Variants in NKPD1 observed in about 807,000 individuals in gnomAD.
The protein encoded by NKPD1 is NTPase KAP family P-loop domain containing 1.
A neutral mutation model predicts 42.2 loss-of-function variants in NKPD1; 37 were observed. The observed-to-expected ratio is 0.88, with a 90% CI of 0.67 to 1.15. NKPD1 has a LOEUF of 1.15. NKPD1 is among the 50% of genes most tolerant of loss of function. The pLI is 0.00. For synonymous variants in NKPD1, 552 were observed against 536.5 expected (o/e 1.03, Z -0.40); for missense variants, 1,113 against 1,174.6 (o/e 0.95, Z 0.77).
intron 2 of NKPD1, 140 bp downstream of exon 2, chr19:45,159,920 C>T (rs1245461507): frequency 5.3e-6 from 2 of 380,330 alleles, no homozygotes; most frequent in East Asian, 9.4e-5. Flanking sequence ...CCAGGCCCTG[C>T]TGCTACACAG....
chr19:45,158,672 A>C lies in NKPD1; in HGVS notation c.520T>G (p.Tyr174Asp). 8.5e-7 allele frequency: 1 copy of C among 1,174,058 alleles called. No individual in the cohort carries two copies. The highest frequency in any genetic ancestry group is 1.1e-6 in the Non-Finnish European group (1 of 933,604). 72.7% of individuals were successfully genotyped at this position (1,174,058 alleles called of 1,614,324 possible). A position where few individuals can be genotyped will look rare whatever the true frequency, so the allele number is the denominator to read the frequency against. The stretch of plus-strand genomic sequence containing the variant: ...AGGCCAGGGTGAGCACCGGAGCTGT[A>C]GGCAGTGAAGGAGCCACAGGCCGCT... ...APAACGSFTA[Y>D]SSDILTEDDV... is the part of the protein sequence containing the mutation. Residue 174 changes from tyrosine (Y) to aspartate (D), a missense_variant, in exon 3 of 5, where the codon TAC (tyrosine) becomes GAC (aspartate). Tyr to Asp is a radical substitution (Grantham distance 160, BLOSUM62 -3). Around this residue, in one of 3 missense-constraint regions of NKPD1, gnomAD observed 42 missense variants for 76.7 expected, o/e 0.55. Transcript: ENST00000686631. The surrounding 1 kb of genome is among the most constrained non-coding windows in gnomAD (Gnocchi z 4.6).
In NKPD1 at chr19:45,159,248, G is replaced by A. The variant is rs1008856306; in HGVS notation, c.92-148C>T. The A allele has an allele frequency of 3.6e-5, 26 of 731,366 alleles. 1 individual carries two copies. The highest frequency in any genetic ancestry group is 9.5e-5 in the African/African-American group (5 of 52,780). The allele number at this position is 731,366 out of a possible 1,614,324, so 45.3% of individuals were successfully genotyped here. ...CCCCTCAAAAAGTAAGATTATGTGCGGGGGAGGTATGGGCAGGGGAGGGAC... is the reference window on the plus strand; with the variant it reads ...CCCCTCAAAAAGTAAGATTATGTGCAGGGGAGGTATGGGCAGGGGAGGGAC... On this transcript the variant is annotated intron_variant, in intron 2 of 4. Transcript: ENST00000686631.
intron 1 of NKPD1, among the ~76,000 whole-genome samples, 88 bp downstream of exon 1, chr19:45,160,837 G>GA (rs1197770894): frequency 6.6e-6 from 1 of 152,048 alleles, no homozygotes; most frequent in Admixed American, 6.6e-5. Flanking sequence ...CAGGGATAGG[G>GA]AAAGGCTGAG....
upstream of NKPD1, among the ~76,000 whole-genome samples, chr19:45,161,848 C>T (rs927827836): frequency 6.6e-6 from 1 of 152,198 alleles, no homozygotes; most frequent in African/African-American, 2.4e-5. Context: ...AGACGGGGTG[C>T]TCCGATGGGG....
chr19:45,160,744 C>T (rs1968989910), intron 1 of NKPD1, among the ~76,000 whole-genome samples, 181 bp downstream of exon 1: 1 of 151,922 alleles, frequency 6.6e-6, no homozygotes, highest in Non-Finnish European at 1.5e-5. Context: ...GGGAGAGGCT[C>T]AGCAAACTCG....
chr19:45,152,928 C>T lies in NKPD1; in HGVS notation c.1509G>A (p.Glu503=). 4 of 1,582,380 alleles carry T rather than the reference C, an allele frequency of 2.5e-6. No homozygotes were observed. The highest frequency in any genetic ancestry group is 2.6e-6 in the Non-Finnish European group (3 of 1,162,848). ...CCGTGCCCTTCATGTTGCCCGCGCTCTCTAGGCACGCGGCCAGGATGCTGG... is the reference window on the plus strand; with the variant it reads ...CCGTGCCCTTCATGTTGCCCGCGCTTTCTAGGCACGCGGCCAGGATGCTGG... ...VDPSILAACL[E]SAGNMKGTAD... The change falls in exon 5 of 5, where the codon GAG becomes GAA. Residue 503 remains glutamate (E), a synonymous_variant. Transcript: ENST00000686631.
chr19:45,154,174 G>A (rs915322086), intron 4 of NKPD1, among the ~76,000 whole-genome samples: 2 of 152,236 alleles, frequency 1.3e-5, no homozygotes, highest in Non-Finnish European at 2.9e-5. Context: ...CGGTGTAAGG[G>A]ATGAATGAAT....
At position 45,152,821 on chromosome 19, in the gene NKPD1, T is replaced by C; in HGVS notation, c.1616A>G (p.Gln539Arg). Reference sequence around the variant, plus strand: ...GCTCTGCACCGCATCGTGCAGGAACTGCAGCTTGGTGCGGCGGCCCATAAT... The same window carrying C: ...GCTCTGCACCGCATCGTGCAGGAACCGCAGCTTGGTGCGGCGGCCCATAAT... ...VPIMGRRTKL[Q>R]FLHDAVQSRD... The change falls in exon 5 of 5, where the codon CAG becomes CGG. Residue 539 changes from glutamine (Q) to arginine (R), a missense_variant. By Grantham distance (43) the Gln-to-Arg change is conservative. Around this residue, in one of 3 missense-constraint regions of NKPD1, gnomAD observed 867 missense variants for 870.1 expected, o/e 1.00. Coordinates refer to ENST00000686631, the MANE Select transcript of NKPD1 (RefSeq NM_198478.4). The C allele has an allele frequency of 6.3e-7, 1 of 1,597,036 alleles. No homozygotes were observed. The highest frequency in any genetic ancestry group is 8.5e-7 in the Non-Finnish European group (1 of 1,169,592).
chr19:45,160,131 A>C lies in NKPD1; in HGVS notation c.20T>G (p.Val7Gly). Residue 7 changes from valine to glycine, a missense_variant, in exon 2 of 5, where the codon GTC becomes GGC. Physicochemically the swap from Val to Gly is moderately radical, Grantham distance 109. Coordinates refer to ENST00000686631, the MANE Select transcript of NKPD1 (RefSeq NM_198478.4). The stretch of plus-strand genomic sequence containing the variant: ...GCTCTGGGCATCCTTGGCGAAGTGG[A>C]CTTTGTAATGTTTGTGCATGGCAGC... MHKHYK[V>G]HFAKDAQSPN... 7.7e-7 allele frequency: 1 copy of C among 1,304,950 alleles called. No homozygotes were observed. Among genetic ancestry groups the C allele is most frequent in the Middle Eastern group, 2.1e-4 (1 of 4,690 alleles). 80.8% of individuals were successfully genotyped at this position (1,304,950 alleles called of 1,614,324 possible). A position where few individuals can be genotyped will look rare whatever the true frequency, so the allele number is the denominator to read the frequency against.
chr19:45,160,934 G>T lies in NKPD1; in HGVS notation c.-81C>A, dbSNP rs550608109. Among the ~76,000 whole-genome samples, 1 of 152,192 alleles carries T rather than the reference G, an allele frequency of 6.6e-6. No individual in the cohort carries two copies. Among genetic ancestry groups the T allele is most frequent in the South Asian group, 2.1e-4 (1 of 4,820 alleles). Reference sequence around the variant, plus strand: ...CCAGTCCCACTCGTACCTGACGGTGGCCTCACGGCCCCAGCTGCCTGCCCC... The same window carrying T: ...CCAGTCCCACTCGTACCTGACGGTGTCCTCACGGCCCCAGCTGCCTGCCCC... On this transcript the variant is annotated 5_prime_UTR_variant, in exon 1 of 5. Transcript: ENST00000686631.
chr19:45,153,533 C>A lies in NKPD1; in HGVS notation c.904G>T (p.Glu302Ter). Residue 302 changes from glutamate to a stop codon, truncating the protein, a stop_gained, in exon 5 of 5, where the codon GAG (glutamate) becomes TAG (stop). Transcript: ENST00000686631. LOFTEE classifies it high-confidence loss of function. ...LWAGLVTTLC[E>*]GIRRHYGALP... ...GCGCCATAGTGGCGGCGGATGCCCTCGCACAACGTGGTCACCAGGCCGGCC... is the reference window on the plus strand; with the variant it reads ...GCGCCATAGTGGCGGCGGATGCCCTAGCACAACGTGGTCACCAGGCCGGCC... The A allele has an allele frequency of 6.4e-7, 1 of 1,550,392 alleles. No individual in the cohort carries two copies. Among genetic ancestry groups the A allele is most frequent in the Non-Finnish European group, 8.7e-7 (1 of 1,146,586 alleles).
At position 45,152,511 on chromosome 19, in the gene NKPD1, C is replaced by T. The variant is rs778238988; in HGVS notation, c.1926G>A (p.Gln642=). The change falls in exon 5 of 5, where the codon CAG becomes CAA. Residue 642 remains glutamine, a synonymous_variant. Transcript: ENST00000686631. ...TVRLLQQQQQ[Q]GDFGGPTPRQ... ...GCGGCGTGGGGCCCCCAAAGTCCCC[C>T]TGCTGCTGCTGCTGCTGCAGCAGGC... 6.6e-7 allele frequency: 1 copy of T among 1,509,732 alleles called. No homozygotes were observed. The highest frequency in any genetic ancestry group is 2.5e-5 in the East Asian group (1 of 40,508). The allele number at this position is 1,509,732 out of a possible 1,614,324, so 93.5% of individuals were successfully genotyped here. A position where few individuals can be genotyped will look rare whatever the true frequency, so the allele number is the denominator to read the frequency against.
At chr19:45,161,841 C>T (rs371359798), upstream of NKPD1, among the ~76,000 whole-genome samples, 94 of 152,298 alleles carry the variant, frequency 6.2e-4, no homozygotes, top group African/African-American at 2.1e-3. Flanking sequence ...CCCTGACAGA[C>T]GGGGTGCTCC....
In NKPD1 at chr19:45,152,050, G is replaced by T. The variant is rs750955164; in HGVS notation, c.2387C>A (p.Ser796Ter). 14 of 1,609,004 alleles carry T rather than the reference G, an allele frequency of 8.7e-6. No individual in the cohort carries two copies. The Admixed American group carries it at 2.2e-4, about 25-fold the overall frequency. The change falls in exon 5 of 5, where the codon TCA (serine) becomes TAA (stop). Residue 796 changes from serine to a stop codon, truncating the protein, a stop_gained. Coordinates refer to ENST00000686631, the MANE Select transcript of NKPD1 (RefSeq NM_198478.4). LOFTEE classifies it low-confidence loss of function (END_TRUNC). The part of the protein sequence containing the change: ...ASRAPPSGRA[S>*]GQAGEGHHTG... Reference sequence around the variant, plus strand: ...GTGGTGGCCTTCGCCGGCTTGCCCTGAGGCACGGCCCGACGGGGGCGCCCT... The same window carrying T: ...GTGGTGGCCTTCGCCGGCTTGCCCTTAGGCACGGCCCGACGGGGGCGCCCT...
At chr19:45,157,219 C>A (rs1274550595) in intron 3 of NKPD1, among the ~76,000 whole-genome samples, 1 of 152,216 alleles carries the variant, frequency 6.6e-6, no homozygotes, top group Non-Finnish European at 1.5e-5. Flanking sequence ...AGCTCACATC[C>A]ATCCTCGGCT....
chr19:45,154,370 G>A (rs891227791), intron 4 of NKPD1, among the ~76,000 whole-genome samples: 1 of 152,232 alleles, frequency 6.6e-6, no homozygotes, highest in Admixed American at 6.5e-5. Flanking sequence ...ACTGTGAGCC[G>A]GAAGGGCAGG....
chr19:45,153,192 C>T lies in NKPD1; in HGVS notation c.1245G>A (p.Val415=). ...VSQRKKIERL[V]SREKFGSQLG... Reference sequence around the variant, plus strand: ...GCTGGCTGCCGAACTTTTCACGCGACACCAGCCGCTCGATCTTCTTGCGCT... The same window carrying T: ...GCTGGCTGCCGAACTTTTCACGCGATACCAGCCGCTCGATCTTCTTGCGCT... Residue 415 remains valine (V), a synonymous_variant, in exon 5 of 5, where the codon GTG becomes GTA. Transcript: ENST00000686631. 1 of 1,586,134 alleles carries T rather than the reference C, an allele frequency of 6.3e-7. No individual in the cohort carries two copies. The highest frequency in any genetic ancestry group is 8.6e-7 in the Non-Finnish European group (1 of 1,167,086).
Position 45,158,714 on chromosome 19 carries a change from G to A in NKPD1, c.478C>T (p.Arg160Trp), listed in dbSNP as rs150780522. 538 of 1,198,984 alleles carry A rather than the reference G, an allele frequency of 4.5e-4. No homozygotes were observed. Among genetic ancestry groups the A allele is most frequent in the African/African-American group, 1.6e-3 (97 of 61,634 alleles). The allele number at this position is 1,198,984 out of a possible 1,614,324, so 74.3% of individuals were successfully genotyped here. A position where few individuals can be genotyped will look rare whatever the true frequency, so the allele number is the denominator to read the frequency against. Residue 160 changes from arginine (R) to tryptophan (W), a missense_variant, in exon 3 of 5, where the codon CGG (arginine) becomes TGG (tryptophan). Transcript: ENST00000686631. This position sits in a 1 kb window ranked among gnomAD's most constrained non-coding sequence, Gnocchi z 4.6. ...CAGGCCGCTGGGGCGGGCAGGGGCC[G>A]GGCATCAGTGGGCTCGCTGGGCTTC... ...LLKPSEPTDARPLPAPAACGS... is the reference protein window; with the variant it reads ...LLKPSEPTDAWPLPAPAACGS...
chr19:45,151,666 C>T lies in NKPD1; in HGVS notation c.*272G>A, dbSNP rs565662923. On this transcript the variant is annotated 3_prime_UTR_variant, in exon 5 of 5. Transcript: ENST00000686631. ...CCTGGTCCCTGGTCAGATCAGGATG[C>T]GGAGAGCAACTCCGGGCTCTCAACA... 6 of 415,798 alleles carry T rather than the reference C, an allele frequency of 1.4e-5. No homozygotes were observed. Among genetic ancestry groups the T allele is most frequent in the Non-Finnish European group, 2.1e-5 (5 of 234,822 alleles). 25.8% of individuals were successfully genotyped at this position (415,798 alleles called of 1,614,324 possible).
Sources: allele counts gnomAD v4.1 joint callset (sites outside exome capture counted in the v4.1 genomes callset), GRCh38; gene constraint gnomAD v4.1.1; regional missense constraint gnomAD v4.1.1; non-coding constraint Gnocchi (gnomAD v3.1); transcripts MANE v1.5; gene names NCBI Gene and HGNC (gene_info 2026-07-23, HGNC 2026-07-21).